The following CHAF1A variants were observed in gnomAD, a reference collection of about 807,000 sequenced individuals.
CHAF1A encodes CAF-1 subunit A.
In CHAF1A, 5 loss-of-function variants were observed where a neutral mutation model predicts 93.2. That is an observed-to-expected ratio of 0.05 (90% confidence interval 0.03 to 0.11). CHAF1A has a LOEUF of 0.11. CHAF1A is among the 10% of genes least tolerant of loss of function. The pLI is 1.00. For synonymous variants in CHAF1A, 504 were observed against 510.3 expected (o/e 0.99, Z 0.17); for missense variants, 1,102 against 1,259.9 (o/e 0.87, Z 1.90).
In CHAF1A at chr19:4,432,050, A is replaced by T. The variant is rs780067416; in HGVS notation, c.2046A>T (p.Gln682His). The change falls in exon 12 of 15, where the codon CAA becomes CAT. Residue 682 changes from glutamine to histidine, a missense_variant. Gln to His is a conservative substitution (Grantham distance 24). This residue lies in a region of CHAF1A where 335 missense variants were observed against 361.9 expected (regional missense o/e 0.93). Transcript: ENST00000301280. ...AGGGGAAGCGCTTTCGCGTCCTGCA[A>T]CCTGTGAAGATCGGCTGCGTGTGGG... Reference protein sequence around the residue: ...LAKGKRFRVLQPVKIGCVWAA... With the variant: ...LAKGKRFRVLHPVKIGCVWAA... The T allele has an allele frequency of 6.2e-7, 1 of 1,614,078 alleles. No homozygotes were observed.
chr19:4,447,378 GCT>G, downstream of CHAF1A: 1 of 656,900 alleles, frequency 1.5e-6, no homozygotes, highest in Non-Finnish European at 2.7e-6. Flanking sequence ...TAAAAGTCTT[GCT>G]CTCCATCTTG....
intron 3 of CHAF1A, among the ~76,000 whole-genome samples, chr19:4,417,525 A>G (rs555465612): frequency 1.2e-4 from 18 of 147,204 alleles, no homozygotes; most frequent in African/African-American, 4.3e-4. Context: ...TGGTGGCGCA[A>G]TCTCGGCTCA....
chr19:4,444,144 C>A (rs1974452015), downstream of CHAF1A, among the ~76,000 whole-genome samples: 1 of 152,178 alleles, frequency 6.6e-6, no homozygotes, highest in Non-Finnish European at 1.5e-5. Flanking sequence ...CTGCAGGACG[C>A]AGGACTGGAG....
downstream of CHAF1A, chr19:4,448,264 G>C: frequency 6.1e-6 from 9 of 1,474,066 alleles, no homozygotes; most frequent in Non-Finnish European, 8.3e-6. Flanking sequence ...CCAGTGGGAG[G>C]GGTGCTGGGA....
At chr19:4,430,758 C>T in intron 11 of CHAF1A, 117 bp downstream of exon 11, 1 of 1,072,844 alleles carries the variant, frequency 9.3e-7, no homozygotes, top group Non-Finnish European at 1.4e-6. Flanking sequence ...GAGATTTGGA[C>T]TGCATTCCAA....
At chr19:4,414,407 A>C (rs1973862332) in intron 3 of CHAF1A, among the ~76,000 whole-genome samples, 1 of 151,774 alleles carries the variant, frequency 6.6e-6, no homozygotes, top group Non-Finnish European at 1.5e-5. Flanking sequence ...AAAAAAAAAA[A>C]AAAACAAAAA....
Position 4,423,756 on chromosome 19 carries a change from A to G in CHAF1A, c.1309-50A>G, listed in dbSNP as rs534930653. 1.5e-5 allele frequency: 24 copies of G among 1,565,322 alleles called. No homozygotes were observed. In the African/African-American group the frequency reaches 2.8e-4, roughly 19 times the overall value. ...GGCCTTTGCATGTTTTGCAACACAT[A>G]CTGTTCCTCTTCCTCTCCTCTTTCT... On this transcript the variant is annotated intron_variant, in intron 6 of 14. Coordinates refer to ENST00000301280, the MANE Select transcript of CHAF1A (RefSeq NM_005483.3).
intron 4 of CHAF1A, among the ~76,000 whole-genome samples, chr19:4,421,972 G>GCTGGGACTA (rs1351195581): frequency 1.3e-5 from 2 of 151,546 alleles, no homozygotes; most frequent in African/African-American, 4.9e-5. Context: ...CTCCTGAGTA[G>GCTGGGACTA]CTGGGACTAC....
intron 7 of CHAF1A, among the ~76,000 whole-genome samples, chr19:4,424,877 C>T (rs1198595412): frequency 6.6e-6 from 1 of 152,002 alleles, no homozygotes; most frequent in South Asian, 2.1e-4. Context: ...TCAGGTGATC[C>T]GCCCGCCTCA....
chr19:4,411,586 A>T (rs1200803848), intron 3 of CHAF1A, among the ~76,000 whole-genome samples: 2 of 130,542 alleles, frequency 1.5e-5, no homozygotes, highest in Admixed American at 1.5e-4. Context: ...GAGAAGATGA[A>T]AAAGGAAAAA....
chr19:4,429,761 T>G lies in CHAF1A; in HGVS notation c.1827T>G (p.Pro609=), dbSNP rs1467474138. The G allele has an allele frequency of 6.2e-7, 1 of 1,613,940 alleles. No homozygotes were observed. Among genetic ancestry groups the G allele is most frequent in the Admixed American group, 1.7e-5 (1 of 59,980 alleles). The change falls in exon 10 of 15, where the codon CCT becomes CCG. Residue 609 remains proline (P), a synonymous_variant. Coordinates refer to ENST00000301280, the MANE Select transcript of CHAF1A (RefSeq NM_005483.3). The part of the protein sequence containing the change: ...DSDEEWEEEE[P]GESLSHSEGD... ...ATGAGGAGTGGGAAGAAGAGGAGCC[T>G]GGGGAGTCCCTGTCCCACAGTGAGG...
intron 1 of CHAF1A, among the ~76,000 whole-genome samples, chr19:4,405,184 G>A (rs955873461): frequency 6.6e-6 from 1 of 152,132 alleles, no homozygotes; most frequent in Non-Finnish European, 1.5e-5. Flanking sequence ...AGGTACCATA[G>A]GTGCAGCATG....
chr19:4,448,108 C>T (rs1974576355), downstream of CHAF1A: 1 of 596,736 alleles, frequency 1.7e-6, no homozygotes, highest in Admixed American at 3.0e-5. Flanking sequence ...TCCTTCAACA[C>T]CTTCATTTTG....
At chr19:4,426,321 C>A (rs948326414) in intron 7 of CHAF1A, among the ~76,000 whole-genome samples, 7 of 151,828 alleles carry the variant, frequency 4.6e-5, no homozygotes, top group Admixed American at 4.6e-4. Context: ...GCGCCCGCCA[C>A]CATGCCCCGC....
chr19:4,435,659 C>T (rs1024414059), intron 13 of CHAF1A, among the ~76,000 whole-genome samples: 5 of 152,134 alleles, frequency 3.3e-5, no homozygotes, highest in South Asian at 4.1e-4. Flanking sequence ...TATGAGCCAC[C>T]GTGCCTGGCT....
intron 4 of CHAF1A, among the ~76,000 whole-genome samples, chr19:4,418,377 A>G (rs956773776): frequency 2.5e-4 from 38 of 151,474 alleles, no homozygotes; most frequent in Admixed American, 2.2e-3. Flanking sequence ...TTACCTTCCA[A>G]AAACCCAGTC....
At chr19:4,427,836 C>T (rs1161276091) in intron 7 of CHAF1A, among the ~76,000 whole-genome samples, 1 of 152,212 alleles carries the variant, frequency 6.6e-6, no homozygotes, top group African/African-American at 2.4e-5. Context: ...AATCCACCCG[C>T]CTCGGCCTCC....
At chr19:4,426,389 C>T (rs568390387) in intron 7 of CHAF1A, among the ~76,000 whole-genome samples, 5 of 151,972 alleles carry the variant, frequency 3.3e-5, no homozygotes, top group South Asian at 2.1e-4. Flanking sequence ...AGGATGGTCT[C>T]GATCTCCTGA....
intron 13 of CHAF1A, among the ~76,000 whole-genome samples, chr19:4,440,298 A>G (rs1300870266): frequency 6.6e-6 from 1 of 151,912 alleles, no homozygotes; most frequent in Non-Finnish European, 1.5e-5. Context: ...GTGAAAGCAA[A>G]TGGAAACAGC....
Sources: allele counts gnomAD v4.1 joint callset (sites outside exome capture counted in the v4.1 genomes callset), GRCh38; gene constraint gnomAD v4.1.1; regional missense constraint gnomAD v4.1.1; transcripts MANE v1.5; gene names NCBI Gene and HGNC (gene_info 2026-07-23, HGNC 2026-07-21).